Variants in SPIC observed in about 807,000 individuals in gnomAD.
The protein encoded by SPIC is transcription factor Spi-C.
In SPIC, 9 loss-of-function variants were observed where a neutral mutation model predicts 16.7. The ratio of observed to expected loss-of-function variants is 0.54; its 90% confidence interval spans 0.33 to 0.94. The LOEUF (loss-of-function observed/expected upper bound fraction) is 0.94, where lower values mean the gene tolerates loss of function less well. Ranked by LOEUF, SPIC falls within the 40% of genes least tolerant of loss-of-function variation. The pLI is 0.03. For synonymous variants in SPIC, 97 were observed against 102.9 expected, an observed-to-expected ratio of 0.94 and a Z score of 0.35; for missense variants, 241 against 285.8, an observed-to-expected ratio of 0.84 and a Z score of 1.13.
chr12:101,479,235 AGAAAGAAAAAGAAAGAAAGAAG>A (rs1873081836), intron 3 of SPIC, among the ~76,000 whole-genome samples: 5 of 100,038 alleles, frequency 5.0e-5, no homozygotes, highest in Non-Finnish European at 1.1e-4. Context: ...AAAGAAAGAA[AGAAAGAAAAAGAAAGAAAGAAG>A]GAAGGAAAGA....
intron 1 of SPIC, among the ~76,000 whole-genome samples, chr12:101,476,519 A>C (rs1359368934): frequency 6.6e-6 from 1 of 152,126 alleles, no homozygotes; most frequent in Non-Finnish European, 1.5e-5. Flanking sequence ...ATTTTAGAAT[A>C]TTTAAAATAA....
chr12:101,479,818 CT>C (rs35835395), intron 4 of SPIC, 124 bp downstream of exon 4: 20,909 of 360,140 alleles, frequency 0.058, no homozygotes, highest in East Asian at 0.11. Context: ...TTTTTTCTTT[CT>C]TTTTTTTTTT....
chr12:101,476,989 C>A, intron 2 of SPIC, 82 bp downstream of exon 2: 2 of 739,890 alleles, frequency 2.7e-6, no homozygotes, highest in Non-Finnish European at 4.1e-6. Context: ...TTTTTCTTTA[C>A]TCTCCCTCCA....
intron 1 of SPIC, 74 bp downstream of exon 1, chr12:101,475,576 TTC>T (rs1320019633): frequency 1.3e-5 from 2 of 152,296 alleles, no homozygotes; most frequent in East Asian, 3.9e-4. Flanking sequence ...TAATGAGTGT[TTC>T]TCACTGTCTG....
At chr12:101,476,341 G>C (rs564915185) in intron 1 of SPIC, among the ~76,000 whole-genome samples, 2 of 152,228 alleles carry the variant, frequency 1.3e-5, no homozygotes, top group South Asian at 4.1e-4. Context: ...TCCAAGGATA[G>C]TCTTCACAGG....
At chr12:101,480,527 C>T (rs1371984606) in intron 4 of SPIC, among the ~76,000 whole-genome samples, 2 of 152,228 alleles carry the variant, frequency 1.3e-5, no homozygotes, top group Non-Finnish European at 2.9e-5. Flanking sequence ...TAGTTGTCTT[C>T]TTCATGCATC....
At chr12:101,484,920 C>T (rs529577984) in intron 5 of SPIC, among the ~76,000 whole-genome samples, 20 of 151,976 alleles carry the variant, frequency 1.3e-4, no homozygotes, top group African/African-American at 3.4e-4. Context: ...TAAAAAAATA[C>T]GGAAAACTTT....
intron 3 of SPIC, among the ~76,000 whole-genome samples, chr12:101,479,290 A>AAG (rs1166942060): frequency 1.6e-4 from 7 of 44,988 alleles, no homozygotes; most frequent in African/African-American, 1.0e-3. Context: ...AAGAAAAAGA[A>AAG]AGAAAGAAAG....
At chr12:101,475,891 T>C (rs1872943628) in intron 1 of SPIC, among the ~76,000 whole-genome samples, 1 of 152,190 alleles carries the variant, frequency 6.6e-6, no homozygotes, top group East Asian at 1.9e-4. Flanking sequence ...CTATTTTCTT[T>C]TAACTGACAT....
At chr12:101,479,245 A>AGAAAGAAAGAAGGAAG (rs1873086592) in intron 3 of SPIC, among the ~76,000 whole-genome samples, 2 of 104,218 alleles carry the variant, frequency 1.9e-5, no homozygotes, top group African/African-American at 9.9e-5. Context: ...AGAAAGAAAA[A>AGAAAGAAAGAAGGAAG]GAAAGAAAGA....
intron 3 of SPIC, among the ~76,000 whole-genome samples, chr12:101,479,274 GAAAGAAAGAAAAA>G (rs1565831259): frequency 0.022 from 1,888 of 84,848 alleles, 160 homozygotes; most frequent in East Asian, 0.068. Flanking sequence ...AAGAAAGAAA[GAAAGAAAGAAAAA>G]GAAAGAAAGA....
rs192218562 is a variant in SPIC at position 101,484,627 on chromosome 12, G to A, written c.320-1717G>A. Among the ~76,000 whole-genome samples, 308 of 151,484 alleles carry A rather than the reference G, an allele frequency of 2.0e-3. 6 individuals are homozygous for A. Among genetic ancestry groups the A allele is most frequent in the East Asian group, 1.4e-3 (7 of 5,096 alleles). Reference sequence around the variant, plus strand: ...CTCTCCGAACCTATTCTGGTTCAAGGAGGCTACCTGATTCACTTTAAAAAA... The same window carrying A: ...CTCTCCGAACCTATTCTGGTTCAAGAAGGCTACCTGATTCACTTTAAAAAA... On this transcript the variant is annotated intron_variant, in intron 5 of 5. Coordinates refer to ENST00000551346, the MANE Select transcript of SPIC (RefSeq NM_152323.3).
Position 101,482,779 on chromosome 12 carries a change from A to G in SPIC, c.211-13A>G, listed in dbSNP as rs763132340. 6 of 1,598,116 alleles carry G rather than the reference A, an allele frequency of 3.8e-6. No homozygotes were observed. The highest frequency in any genetic ancestry group is 3.5e-5 in the Admixed American group (2 of 57,070). On this transcript the variant is annotated splice_polypyrimidine_tract_variant and intron_variant, in intron 4 of 5. Transcript: ENST00000551346. Reference sequence around the variant, plus strand: ...AAAGTCTCACTTAACATCCTGCTTCATTATTTATATAGAACAGTGCTGCGG... The same window carrying G: ...AAAGTCTCACTTAACATCCTGCTTCGTTATTTATATAGAACAGTGCTGCGG...
At chr12:101,479,172 AAAAG>A (rs199501054) in intron 3 of SPIC, among the ~76,000 whole-genome samples, 19,077 of 82,338 alleles carry the variant, frequency 0.23, 2,821 homozygotes, top group South Asian at 0.26. Context: ...GAAAGAAAGA[AAAAG>A]AAAGAAAGAA....
At chr12:101,479,085 C>T (rs575858345) in intron 3 of SPIC, among the ~76,000 whole-genome samples, 17 of 145,744 alleles carry the variant, frequency 1.2e-4, no homozygotes, top group Admixed American at 9.2e-4. Context: ...TGCAGTGAAC[C>T]GAAATAACGT....
intron 5 of SPIC, among the ~76,000 whole-genome samples, chr12:101,485,477 GAAT>G (rs1873336593): frequency 6.6e-6 from 1 of 152,142 alleles, no homozygotes. Flanking sequence ...ATTGTTAAAT[GAAT>G]AATGTTAAAG....
At chr12:101,481,588 C>A (rs941160485) in intron 4 of SPIC, among the ~76,000 whole-genome samples, 5 of 151,098 alleles carry the variant, frequency 3.3e-5, no homozygotes, top group Non-Finnish European at 5.9e-5. Flanking sequence ...CGGCTCACTG[C>A]ATCCTCCGCC....
intron 1 of SPIC, among the ~76,000 whole-genome samples, chr12:101,476,200 T>C (rs1189009561): frequency 6.6e-6 from 1 of 152,172 alleles, no homozygotes; most frequent in Non-Finnish European, 1.5e-5. Flanking sequence ...CTATAGAACG[T>C]AGAGTTAAAA....
At chr12:101,478,057 A>C (rs1282553287) in intron 3 of SPIC, among the ~76,000 whole-genome samples, 4 of 147,510 alleles carry the variant, frequency 2.7e-5, no homozygotes, top group African/African-American at 1.0e-4. Context: ...TTTGAGACGA[A>C]GTCTCACTCT....
Sources: gnomAD v4.1 joint callset for allele counts (sites outside exome capture counted in the v4.1 genomes callset) on GRCh38, gnomAD v4.1.1 for gene constraint, MANE v1.5 for transcripts, NCBI Gene and HGNC (gene_info 2026-07-23, HGNC 2026-07-21) for gene names.